Variants in YTHDC1 observed in about 807,000 individuals in gnomAD.
The protein encoded by YTHDC1 is YTH N6-methyladenosine RNA binding protein C1, also known as YTH domain-containing protein 1.
In YTHDC1, 12 loss-of-function variants were observed where a neutral mutation model predicts 107.0. The ratio of observed to expected loss-of-function variants is 0.11; its 90% CI spans 0.07 to 0.18. The LOEUF is 0.18. Among genes scored for constraint, YTHDC1 ranks in the 10% least tolerant of loss-of-function variants. YTHDC1 has a pLI of 1.00. For missense variants in YTHDC1, 635 were observed against 898.8 expected, an observed-to-expected ratio of 0.71 and a Z score of 3.75; for synonymous variants, 280 against 289.5, an observed-to-expected ratio of 0.97 and a Z score of 0.33.
At chr4:68,321,406 CGG>C (rs1722433672) in intron 11 of YTHDC1, among the ~76,000 whole-genome samples, 1 of 152,036 alleles carries the variant, frequency 6.6e-6, no homozygotes, top group African/African-American at 2.4e-5. Context: ...CATTTACGAC[CGG>C]TATAAAACAT....
In YTHDC1 at chr4:68,349,421, T is replaced by C. The variant is rs115515502; in HGVS notation, c.28+305A>G. 3.0e-3 allele frequency among the ~76,000 whole-genome samples: 458 copies of C among 152,266 alleles called. 2 individuals carry two copies. Among genetic ancestry groups the C allele is most frequent in the African/African-American group, 0.01 (436 of 41,558 alleles). On this transcript the variant is annotated intron_variant, in intron 1 of 16. Transcript: ENST00000344157. Reference sequence around the variant, plus strand: ...GCATGATCCTACCAGGAAATAAACCTAGGAGCTTGCAACTCAGAAAGGGCC... The same window carrying C: ...GCATGATCCTACCAGGAAATAAACCCAGGAGCTTGCAACTCAGAAAGGGCC...
chr4:68,312,486 T>C lies in YTHDC1; in HGVS notation c.*1613A>G, dbSNP rs1721383102. 1.3e-5 allele frequency: 2 copies of C among 152,270 alleles called. No individual in the cohort carries two copies. Among genetic ancestry groups the C allele is most frequent in the South Asian group, 2.1e-4 (1 of 4,824 alleles). 9.4% of individuals were successfully genotyped at this position (152,270 alleles called of 1,614,324 possible). A position where few individuals can be genotyped will look rare whatever the true frequency, so the allele number is the denominator to read the frequency against. On this transcript the variant is annotated 3_prime_UTR_variant, in exon 17 of 17. Transcript: ENST00000344157. ...CACTAACCGGTTTAATTAAAGACAATGACAAAACTAGAACCCAGGTTTCCT... is the reference window on the plus strand; with the variant it reads ...CACTAACCGGTTTAATTAAAGACAACGACAAAACTAGAACCCAGGTTTCCT...
At chr4:68,335,397 C>T (rs1005889328) in intron 4 of YTHDC1, among the ~76,000 whole-genome samples, 4 of 152,026 alleles carry the variant, frequency 2.6e-5, no homozygotes, top group African/African-American at 9.7e-5. Flanking sequence ...TTAGAATAAA[C>T]CTAGTCTAGT....
rs747560522 is a variant in YTHDC1, at chr4:68,337,666, G to C, written c.365C>G (p.Ser122Cys). 3.7e-6 allele frequency: 6 copies of C among 1,613,958 alleles called. No homozygotes were observed. The African/African-American group carries it at 8.0e-5, about 22-fold the overall frequency. ...AGGTTGATTCTTATAAGGTTCTCTG[G>C]AGGCACTACTTGATAGACGAATTTT... ...DRKIRLSSSA[S>C]REPYKNQPEK... Residue 122 changes from serine to cysteine, a missense_variant, in exon 3 of 17, where the codon TCC (serine) becomes TGC (cysteine). Transcript: ENST00000344157.
At chr4:68,339,437 T>G (rs905294510) in intron 1 of YTHDC1, among the ~76,000 whole-genome samples, 1 of 152,228 alleles carries the variant, frequency 6.6e-6, no homozygotes, top group African/African-American at 2.4e-5. Context: ...TGGTGAAATC[T>G]GAATAAAGTT....
intron 1 of YTHDC1, among the ~76,000 whole-genome samples, chr4:68,341,436 C>CTT (rs1724791600): frequency 1.3e-5 from 2 of 152,174 alleles, no homozygotes; most frequent in African/African-American, 4.8e-5. Context: ...GATGTACACA[C>CTT]TTTTATCCGT....
chr4:68,316,199 C>T, intron 16 of YTHDC1, 115 bp downstream of exon 16: 2 of 1,176,532 alleles, frequency 1.7e-6, no homozygotes, highest in Non-Finnish European at 2.3e-6. Flanking sequence ...CCAAAACAGT[C>T]TGCAGTAAGA....
intron 1 of YTHDC1, among the ~76,000 whole-genome samples, chr4:68,346,156 C>A (rs781396766): frequency 8.6e-5 from 13 of 150,928 alleles, no homozygotes; most frequent in Non-Finnish European, 1.8e-4. Flanking sequence ...TGGCTCACAC[C>A]TGTAATTCCA....
intron 15 of YTHDC1, among the ~76,000 whole-genome samples, chr4:68,316,909 G>T (rs1033119193): frequency 1.3e-5 from 2 of 152,150 alleles, no homozygotes; most frequent in Non-Finnish European, 2.9e-5. Context: ...TTGGTAAACT[G>T]GTTAACCACT....
At chr4:68,331,929 C>T (rs1238715322) in intron 7 of YTHDC1, among the ~76,000 whole-genome samples, 174 bp downstream of exon 7, 1 of 150,928 alleles carries the variant, frequency 6.6e-6, no homozygotes, top group Non-Finnish European at 1.5e-5. Flanking sequence ...AAAGAAAACT[C>T]AAATTACAAG....
intron 1 of YTHDC1, 84 bp downstream of exon 1, chr4:68,349,642 C>CCA: frequency 7.6e-6 from 3 of 396,688 alleles, no homozygotes; most frequent in South Asian, 1.9e-5. Flanking sequence ...CCCCCACCCC[C>CCA]CACCCCCAAC....
chr4:68,317,064 C>G (rs1365368137), intron 15 of YTHDC1, among the ~76,000 whole-genome samples: 1 of 152,006 alleles, frequency 6.6e-6, no homozygotes, highest in African/African-American at 2.4e-5. Context: ...GACCTTGTCT[C>G]TATAAAAAAA....
chr4:68,336,916 A>T, intron 4 of YTHDC1, 111 bp downstream of exon 4: 1 of 1,343,832 alleles, frequency 7.4e-7, no homozygotes, highest in Non-Finnish European at 1.0e-6. Context: ...ATCACAAGAC[A>T]ATCCTATTAA....
intron 11 of YTHDC1, 91 bp from the exon 12 acceptor site, chr4:68,320,296 G>T (rs1722309263): frequency 2.4e-6 from 2 of 831,958 alleles, no homozygotes; most frequent in Non-Finnish European, 3.7e-6. Flanking sequence ...TAAGTACAAA[G>T]AATAACCCAT....
chr4:68,313,484 A>G lies in YTHDC1; in HGVS notation c.*615T>C, dbSNP rs1721471210. The stretch of plus-strand genomic sequence containing the variant: ...CATCAACCACGCTACTGAACATAGG[A>G]ATTTTTCATTTAAAAAGATTAAAAA... On this transcript the variant is annotated 3_prime_UTR_variant, in exon 17 of 17. Transcript: ENST00000344157. 1 of 153,004 alleles carries G rather than the reference A, an allele frequency of 6.5e-6. No homozygotes were observed. The highest frequency in any genetic ancestry group is 6.5e-5 in the Admixed American group (1 of 15,318). The allele number at this position is 153,004 out of a possible 1,614,324, so 9.5% of individuals were successfully genotyped here.
At chr4:68,344,830 G>C (rs759952047) in intron 1 of YTHDC1, among the ~76,000 whole-genome samples, 4 of 152,140 alleles carry the variant, frequency 2.6e-5, no homozygotes, top group Admixed American at 6.6e-5. Flanking sequence ...GAGCTCAGGA[G>C]CTTGAAATCT....
rs1270166741 is a variant in YTHDC1, at chr4:68,313,254, G to A, written c.*845C>T. The A allele has an allele frequency of 6.6e-6, 1 of 152,390 alleles. No homozygotes were observed. The highest frequency in any genetic ancestry group is 1.5e-5 in the Non-Finnish European group (1 of 68,034). 9.4% of individuals were successfully genotyped at this position (152,390 alleles called of 1,614,324 possible). A position where few individuals can be genotyped will look rare whatever the true frequency, so the allele number is the denominator to read the frequency against. On this transcript the variant is annotated 3_prime_UTR_variant, in exon 17 of 17. Transcript: ENST00000344157. The stretch of plus-strand genomic sequence containing the variant: ...CCTAAAATTCCTGAACAAAAAGCAT[G>A]CTTTTATGTCCATTATTGCATAATA...
intron 2 of YTHDC1, 143 bp downstream of exon 2, chr4:68,338,140 A>C: frequency 7.7e-7 from 1 of 1,306,634 alleles, no homozygotes; most frequent in Non-Finnish European, 1.0e-6. Context: ...ATCCCTATTC[A>C]TATGGATACC....
chr4:68,324,397 C>T (rs1333975905), intron 9 of YTHDC1, among the ~76,000 whole-genome samples, 174 bp from the exon 10 acceptor site: 1 of 152,176 alleles, frequency 6.6e-6, no homozygotes, highest in South Asian at 2.1e-4. Flanking sequence ...TTTCCATATT[C>T]TCCAGTTTTC....
Sources: gnomAD v4.1 joint callset for allele counts (sites outside exome capture counted in the v4.1 genomes callset) on GRCh38, gnomAD v4.1.1 for gene constraint, MANE v1.5 for transcripts, NCBI Gene and HGNC (gene_info 2026-07-23, HGNC 2026-07-21) for gene names.